TRMT9B: variants seen among roughly 807,000 people sequenced by gnomAD.
The protein encoded by TRMT9B is tRNA methyltransferase 9B (putative), also known as probable tRNA methyltransferase 9B.
TRMT9B carries 16 observed loss-of-function variants against 11.5 expected under a neutral mutation model. The observed-to-expected ratio is 1.39, with a 90% CI of 0.94 to 2.11. TRMT9B has a LOEUF of 2.11. TRMT9B is among the 30% of genes most tolerant of loss of function. The pLI is 0.00. For missense variants in TRMT9B, 941 were observed against 553.8 expected (o/e 1.70, Z -7.02); for synonymous variants, 274 against 192.4 (o/e 1.42, Z -3.51).
chr8:12,999,858 G>T (rs1435863013), intron 2 of TRMT9B, among the ~76,000 whole-genome samples: 1 of 152,092 alleles, frequency 6.6e-6, no homozygotes. Context: ...AAAAAAGTAG[G>T]ATGCAAAACT....
In TRMT9B at chr8:13,022,040, A is replaced by G; in HGVS notation, c.1361A>G (p.Asp454Gly). 1 of 1,571,102 alleles carries G rather than the reference A, an allele frequency of 6.4e-7. No individual in the cohort carries two copies. Among genetic ancestry groups the G allele is most frequent in the Non-Finnish European group, 8.6e-7 (1 of 1,160,502 alleles). The change falls in exon 5 of 5, where the codon GAT becomes GGT. Residue 454 changes from aspartate (D) to glycine (G), a missense_variant. Transcript: ENST00000524591. ...CIIAEKKRGC[D>G] The stretch of plus-strand genomic sequence containing the variant: ...ATTGCAGAGAAAAAGAGAGGTTGTG[A>G]TTGATTGGATCCTTTTAGACAACTC...
At position 12,947,253 on chromosome 8, in the gene TRMT9B, C is replaced by T. The variant is rs771840206; in HGVS notation, c.-200+1287C>T. 1.8e-4 allele frequency among the ~76,000 whole-genome samples: 28 copies of T among 152,300 alleles called. 1 individual carries two copies. The Middle Eastern group carries it at 0.014, about 74-fold the overall frequency. ...TAAAGATCAGTCTGAGAGACTGGAACACACCTCACAATTTCTTCCTGCAAT... is the reference window on the plus strand; with the variant it reads ...TAAAGATCAGTCTGAGAGACTGGAATACACCTCACAATTTCTTCCTGCAAT... On this transcript the variant is annotated intron_variant, in intron 1 of 4. Transcript: ENST00000524591.
intron 1 of TRMT9B, among the ~76,000 whole-genome samples, chr8:12,948,456 T>C (rs1485399746): frequency 6.7e-6 from 1 of 148,186 alleles, no homozygotes; most frequent in African/African-American, 2.4e-5. Flanking sequence ...TATGTATGTA[T>C]ATAACACATA....
chr8:12,949,921 C>T (rs1800462970), intron 1 of TRMT9B, among the ~76,000 whole-genome samples: 1 of 152,156 alleles, frequency 6.6e-6, no homozygotes, highest in Non-Finnish European at 1.5e-5. Context: ...GGTGCAAGCA[C>T]AGCTCACTGC....
intron 1 of TRMT9B, among the ~76,000 whole-genome samples, chr8:12,955,689 TCTC>T (rs1428337320): frequency 6.6e-6 from 1 of 152,178 alleles, no homozygotes; most frequent in Non-Finnish European, 1.5e-5. Context: ...TTCTCTTTCT[TCTC>T]TGTTAGGTTG....
intron 2 of TRMT9B, among the ~76,000 whole-genome samples, chr8:12,994,965 A>T (rs551794190): frequency 6.6e-6 from 1 of 152,336 alleles, no homozygotes; most frequent in South Asian, 2.1e-4. Flanking sequence ...TACAGGCGTG[A>T]GCCCCCGCGC....
chr8:13,029,705 G>C lies in TRMT9B; in HGVS notation c.*7661G>C, dbSNP rs752656939. The C allele has an allele frequency of 6.5e-6, 1 of 153,488 alleles. No homozygotes were observed. Among genetic ancestry groups the C allele is most frequent in the South Asian group, 2.1e-4 (1 of 4,828 alleles). The allele number at this position is 153,488 out of a possible 1,614,324, so 9.5% of individuals were successfully genotyped here. ...CTTTTAATAATAGATTATCTTTAAT[G>C]GTTATTAAAAGAATGTTATTGACCA... On this transcript the variant is annotated 3_prime_UTR_variant, in exon 5 of 5. Coordinates refer to ENST00000524591, the MANE Select transcript of TRMT9B (RefSeq NM_020844.3).
chr8:12,963,592 C>G (rs758347122), intron 1 of TRMT9B, among the ~76,000 whole-genome samples: 68 of 152,140 alleles, frequency 4.5e-4, no homozygotes, highest in South Asian at 1.0e-3. Context: ...TCTACAAAAA[C>G]AAAAATTAGC....
chr8:13,019,608 G>A (rs953541150), intron 4 of TRMT9B, among the ~76,000 whole-genome samples: 2 of 152,162 alleles, frequency 1.3e-5, no homozygotes, highest in Non-Finnish European at 2.9e-5. Context: ...AGATATTAAT[G>A]GCCCTTAGTA....
intron 4 of TRMT9B, 123 bp downstream of exon 4, chr8:13,012,980 T>TA: frequency 8.1e-7 from 1 of 1,235,124 alleles, no homozygotes; most frequent in Non-Finnish European, 1.1e-6. Context: ...TTATCTAATT[T>TA]AAAAAAATTG....
At chr8:12,949,177 C>G (rs1800417725) in intron 1 of TRMT9B, among the ~76,000 whole-genome samples, 2 of 151,250 alleles carry the variant, frequency 1.3e-5, no homozygotes, top group Admixed American at 1.3e-4. Flanking sequence ...TTTTTATATA[C>G]AAAAATCTCC....
At chr8:12,984,848 T>C (rs796325919) in intron 1 of TRMT9B, among the ~76,000 whole-genome samples, 13 of 152,232 alleles carry the variant, frequency 8.5e-5, no homozygotes, top group African/African-American at 3.1e-4. Flanking sequence ...CTTGTCATTG[T>C]CTGTGGAGGG....
intron 1 of TRMT9B, among the ~76,000 whole-genome samples, chr8:12,948,304 T>C (rs1800364900): frequency 6.6e-6 from 1 of 151,718 alleles, no homozygotes; most frequent in Non-Finnish European, 1.5e-5. Context: ...ACAATGGTTG[T>C]ATGAGTACTA....
intron 4 of TRMT9B, among the ~76,000 whole-genome samples, chr8:13,016,409 A>G (rs1226330783): frequency 1.4e-5 from 2 of 148,128 alleles, no homozygotes; most frequent in East Asian, 3.9e-4. Context: ...AATAATATAT[A>G]TAAAAGGAAG....
At chr8:12,987,158 A>G (rs1375830586) in intron 1 of TRMT9B, among the ~76,000 whole-genome samples, 2 of 152,188 alleles carry the variant, frequency 1.3e-5, no homozygotes, top group African/African-American at 2.4e-5. Flanking sequence ...CTGGGTTCAA[A>G]TCCTGGCTCT....
chr8:12,947,681 G>T (rs1489739077), intron 1 of TRMT9B, among the ~76,000 whole-genome samples: 2 of 152,212 alleles, frequency 1.3e-5, no homozygotes, highest in Non-Finnish European at 2.9e-5. Context: ...ATGGTCAAAA[G>T]CTTTAGGAAA....
At chr8:12,987,638 G>C (rs1298859596) in intron 1 of TRMT9B, among the ~76,000 whole-genome samples, 3 of 152,104 alleles carry the variant, frequency 2.0e-5, no homozygotes, top group Non-Finnish European at 4.4e-5. Context: ...GCTGCAGTGA[G>C]CTACGATGGT....
Position 13,022,022 on chromosome 8 carries a change from A to G in TRMT9B, c.1343A>G (p.Glu448Gly), listed in dbSNP as rs1225256714. 2.5e-6 allele frequency: 4 copies of G among 1,595,754 alleles called. No homozygotes were observed. In the Admixed American group the frequency reaches 5.3e-5, roughly 21 times the overall value. The stretch of plus-strand genomic sequence containing the variant: ...CATGGTAACTGGTGTATCATTGCAG[A>G]GAAAAAGAGAGGTTGTGATTGATTG... ...NDHGNWCIIAEKKRGCD is the reference protein window; with the variant it reads ...NDHGNWCIIAGKKRGCD Residue 448 changes from glutamate to glycine, a missense_variant, in exon 5 of 5, where the codon GAG becomes GGG. Glu to Gly is a moderately conservative substitution (Grantham distance 98). Coordinates refer to ENST00000524591, the MANE Select transcript of TRMT9B (RefSeq NM_020844.3).
intron 1 of TRMT9B, among the ~76,000 whole-genome samples, chr8:12,957,719 A>G (rs1421492512): frequency 6.6e-6 from 1 of 152,248 alleles, no homozygotes; most frequent in African/African-American, 2.4e-5. Flanking sequence ...TGCTAGTATT[A>G]TAGCTTGATT....
Sources: allele counts gnomAD v4.1 joint callset (sites outside exome capture counted in the v4.1 genomes callset), GRCh38; gene constraint gnomAD v4.1.1; transcripts MANE v1.5; gene names NCBI Gene and HGNC (gene_info 2026-07-23, HGNC 2026-07-21).